Variants in GPALPP1 observed in about 807,000 individuals in gnomAD.
The protein encoded by GPALPP1 is GPALPP motifs-containing protein 1.
In GPALPP1, 30 loss-of-function variants were observed where a neutral mutation model predicts 38.9. That is an observed-to-expected ratio of 0.77 (90% CI 0.58 to 1.05). The LOEUF (loss-of-function observed/expected upper bound fraction) is 1.05, where lower values mean the gene tolerates loss of function less well. Among genes scored for constraint, GPALPP1 ranks in the 50% least tolerant of loss-of-function variants. The probability of loss-of-function intolerance (pLI) is 0.00; values close to 1 mark genes in which losing one functional copy is unlikely to be tolerated. For missense variants in GPALPP1, 384 were observed against 408.8 expected, an observed-to-expected ratio of 0.94 and a Z score of 0.52; for synonymous variants, 120 against 139.2, an observed-to-expected ratio of 0.86 and a Z score of 0.97.
chr13:45,015,272 T>C (rs751316820), intron 5 of GPALPP1, among the ~76,000 whole-genome samples, 160 bp from the exon 6 acceptor site: 1 of 152,236 alleles, frequency 6.6e-6, no homozygotes, highest in Non-Finnish European at 1.5e-5. Context: ...TTGTAACTTA[T>C]ATGACAAATA....
chr13:45,014,175 G>A (rs1167379092), intron 4 of GPALPP1, among the ~76,000 whole-genome samples: 1 of 152,080 alleles, frequency 6.6e-6, no homozygotes, highest in Non-Finnish European at 1.5e-5. Context: ...ATGACTCTTA[G>A]AGTTTGTGTT....
downstream of GPALPP1, chr13:45,031,193 C>T (rs1175559933): frequency 6.6e-6 from 1 of 152,038 alleles, no homozygotes; most frequent in Non-Finnish European, 1.5e-5. Flanking sequence ...AATTTTTCTC[C>T]TAAGCAAATT....
In GPALPP1 at chr13:45,002,683, G is replaced by T. The variant is rs575806610; in HGVS notation, c.89-1622G>T. 3.9e-5 allele frequency among the ~76,000 whole-genome samples: 6 copies of T among 152,328 alleles called. No homozygotes were observed. The South Asian group carries it at 1.0e-3, about 26-fold the overall frequency. ...GTAACTTATCCAAATCACACAGCTA[G>T]TAAGTGGCCAACCTGGAATTCAAAG... On this transcript the variant is annotated intron_variant, in intron 1 of 7. Transcript: ENST00000379151.
At chr13:45,019,774 C>T (rs1365460465) in intron 6 of GPALPP1, among the ~76,000 whole-genome samples, 2 of 149,718 alleles carry the variant, frequency 1.3e-5, no homozygotes, top group East Asian at 4.0e-4. Flanking sequence ...ATCCTGAGTT[C>T]AATAAATAGG....
At chr13:44,991,975 T>C (rs1872836629) in intron 1 of GPALPP1, among the ~76,000 whole-genome samples, 1 of 152,240 alleles carries the variant, frequency 6.6e-6, no homozygotes, top group African/African-American at 2.4e-5. Flanking sequence ...AGTCATCCAT[T>C]AGATGAATGT....
rs763189781 is a variant in GPALPP1 at position 45,027,765 on chromosome 13, T to G, written c.805-20T>G. On this transcript the variant is annotated intron_variant, in intron 7 of 7. Coordinates refer to ENST00000379151, the MANE Select transcript of GPALPP1 (RefSeq NM_018559.5). ...ATATACAAACTATAGTTTTTATTTC[T>G]GCTCTCCTGCTCTCTCCAGGAATCA... 2 of 1,111,824 alleles carry G rather than the reference T, an allele frequency of 1.8e-6. No individual in the cohort carries two copies. Among genetic ancestry groups the G allele is most frequent in the Non-Finnish European group, 2.7e-6 (2 of 736,640 alleles). 68.9% of individuals were successfully genotyped at this position (1,111,824 alleles called of 1,614,324 possible).
intron 7 of GPALPP1, 128 bp from the exon 8 acceptor site, chr13:45,027,657 A>G (rs530218589): frequency 1.4e-4 from 73 of 517,656 alleles, no homozygotes; most frequent in African/African-American, 1.3e-3. Flanking sequence ...AAAAAAAAAA[A>G]CTACTGGGGT....
chr13:45,015,067 T>C lies in GPALPP1; in HGVS notation c.524T>C (p.Leu175Pro), dbSNP rs770084225. 4 of 1,594,370 alleles carry C rather than the reference T, an allele frequency of 2.5e-6. No homozygotes were observed. Among genetic ancestry groups the C allele is most frequent in the Non-Finnish European group, 3.4e-6 (4 of 1,165,550 alleles). ...EKRAQRMKEK[L>P]TKGDDDSSKP... ...AGGGCCCAGAGAATGAAAGAAAAAC[T>C]GACCAAAGGAGATGATGTAAGTTTT... Residue 175 changes from leucine (L) to proline (P), a missense_variant, in exon 5 of 8, where the codon CTG becomes CCG. Coordinates refer to ENST00000379151, the MANE Select transcript of GPALPP1 (RefSeq NM_018559.5).
chr13:44,994,299 G>A (rs939952035), intron 1 of GPALPP1, among the ~76,000 whole-genome samples: 1 of 150,026 alleles, frequency 6.7e-6, no homozygotes, highest in African/African-American at 2.5e-5. Flanking sequence ...ATGCCCTCTC[G>A]CGGCCGGGCA....
downstream of GPALPP1, chr13:45,035,131 T>C (rs1216235521): frequency 1.3e-5 from 2 of 152,492 alleles, no homozygotes; most frequent in Admixed American, 6.5e-5. Context: ...TAATTTTTTG[T>C]ATTATTAGTA....
chr13:44,995,597 C>G (rs147795193), intron 1 of GPALPP1, among the ~76,000 whole-genome samples: 2 of 152,158 alleles, frequency 1.3e-5, no homozygotes, highest in Admixed American at 6.5e-5. Context: ...TAAATTACCC[C>G]CTAAGTCCCT....
intron 7 of GPALPP1, among the ~76,000 whole-genome samples, chr13:45,022,458 CAA>C (rs1181486225): frequency 2.6e-5 from 4 of 151,882 alleles, no homozygotes; most frequent in African/African-American, 9.7e-5. Context: ...ATATTGAACT[CAA>C]ATGCATGCTT....
At chr13:44,999,585 TTC>T (rs1296317276) in intron 1 of GPALPP1, among the ~76,000 whole-genome samples, 3 of 152,200 alleles carry the variant, frequency 2.0e-5, no homozygotes, top group Non-Finnish European at 4.4e-5. Flanking sequence ...TTTAATATTC[TTC>T]TCTTTTTTCT....
chr13:44,999,972 C>T (rs923025706), intron 1 of GPALPP1, among the ~76,000 whole-genome samples: 6 of 152,082 alleles, frequency 3.9e-5, no homozygotes, highest in Non-Finnish European at 1.5e-5. Flanking sequence ...ATTAATGGTA[C>T]TATGTGCTGA....
At chr13:45,023,219 T>TA (rs1239995233) in intron 7 of GPALPP1, among the ~76,000 whole-genome samples, 1 of 152,192 alleles carries the variant, frequency 6.6e-6, no homozygotes. Context: ...TGACTGCTTT[T>TA]AGGTGTTATT....
intron 1 of GPALPP1, among the ~76,000 whole-genome samples, chr13:45,001,253 T>C (rs905007638): frequency 6.6e-6 from 1 of 152,166 alleles, no homozygotes; most frequent in African/African-American, 2.4e-5. Context: ...ATGTGTTTGC[T>C]TCCCCTTCCA....
intron 4 of GPALPP1, among the ~76,000 whole-genome samples, chr13:45,010,007 C>G (rs1874360459): frequency 6.6e-6 from 1 of 152,142 alleles, no homozygotes; most frequent in Non-Finnish European, 1.5e-5. Context: ...GAAACAAAGG[C>G]AGATCAAAGT....
At chr13:45,031,531 C>T (rs1876196665), downstream of GPALPP1, 1 of 152,244 alleles carries the variant, frequency 6.6e-6, no homozygotes, top group East Asian at 1.9e-4. Context: ...TCATCCCTCA[C>T]CTTTGGAGTG....
chr13:45,020,640 CAAAA>C (rs530239850), intron 7 of GPALPP1, among the ~76,000 whole-genome samples: 1 of 109,664 alleles, frequency 9.1e-6, no homozygotes, highest in Non-Finnish European at 1.9e-5. Context: ...CCTAATGTCT[CAAAA>C]AAAAAAAAAA....
Sources: gnomAD v4.1 joint callset for allele counts (sites outside exome capture counted in the v4.1 genomes callset) on GRCh38, gnomAD v4.1.1 for gene constraint, MANE v1.5 for transcripts, NCBI Gene and HGNC (gene_info 2026-07-23, HGNC 2026-07-21) for gene names.